TNS3: variants seen among roughly 807,000 people sequenced by gnomAD.
The protein encoded by TNS3 is tensin-3.
TNS3 carries 45 observed loss-of-function variants against 140.9 expected under a neutral mutation model. The observed-to-expected ratio is 0.32, with a 90% CI of 0.25 to 0.41. The LOEUF is 0.41. Among genes scored for constraint, TNS3 ranks in the 10% least tolerant of loss-of-function variants. The pLI is 1.00. For missense variants in TNS3, 1,716 were observed against 1,906.7 expected, an observed-to-expected ratio of 0.90 and a Z score of 1.86; for synonymous variants, 815 against 788.4, an observed-to-expected ratio of 1.03 and a Z score of -0.56.
chr7:47,461,543 T>G (rs1252519091), intron 4 of TNS3, among the ~76,000 whole-genome samples: 1 of 152,132 alleles, frequency 6.6e-6, no homozygotes, highest in Non-Finnish European at 1.5e-5. Flanking sequence ...ACCACCCCTG[T>G]CCAGGAACAT....
chr7:47,541,405 T>G (rs1031343182), intron 1 of TNS3, among the ~76,000 whole-genome samples: 1 of 152,128 alleles, frequency 6.6e-6, no homozygotes, highest in African/African-American at 2.4e-5. Context: ...GATCTGTCCT[T>G]GGAGGGTGCG....
At chr7:47,499,904 C>T (rs1798147752) in intron 3 of TNS3, among the ~76,000 whole-genome samples, 1 of 152,194 alleles carries the variant, frequency 6.6e-6, no homozygotes, top group African/African-American at 2.4e-5. Context: ...TCTGGTGCGG[C>T]GATGCTGACG....
Position 47,405,006 on chromosome 7 carries a change from C to T in TNS3, c.724-4092G>A, listed in dbSNP as rs144048691. 2.8e-3 allele frequency among the ~76,000 whole-genome samples: 423 copies of T among 152,310 alleles called. 1 individual carries two copies. Among genetic ancestry groups the T allele is most frequent in the African/African-American group, 9.6e-3 (398 of 41,560 alleles). ...CATTTGCTCCTGGAGTACACCAAGT[C>T]GAAGGCAGACACATGGAATTCTCAA... On this transcript the variant is annotated intron_variant, in intron 13 of 30. Coordinates refer to ENST00000311160, the MANE Select transcript of TNS3 (RefSeq NM_022748.12).
At chr7:47,438,396 C>T (rs889982159) in intron 6 of TNS3, among the ~76,000 whole-genome samples, 1 of 152,036 alleles carries the variant, frequency 6.6e-6, no homozygotes, top group Middle Eastern at 3.4e-3. Context: ...AGAGGAGACT[C>T]AGGATGCGCT....
intron 16 of TNS3, among the ~76,000 whole-genome samples, chr7:47,380,007 A>G (rs562784400): frequency 6.6e-6 from 1 of 152,370 alleles, no homozygotes; most frequent in African/African-American, 2.4e-5. Context: ...CCAGCCACAC[A>G]CTGCCTCTCT....
chr7:47,513,615 A>G (rs2151900584), intron 2 of TNS3, among the ~76,000 whole-genome samples: 1 of 152,368 alleles, frequency 6.6e-6, no homozygotes, highest in East Asian at 1.9e-4. Flanking sequence ...AAAACATAAT[A>G]AAAAGGAGAC....
intron 1 of TNS3, among the ~76,000 whole-genome samples, chr7:47,546,222 C>T (rs1799917617): frequency 6.6e-6 from 1 of 152,204 alleles, no homozygotes; most frequent in East Asian, 1.9e-4. Context: ...TTGCAACCGA[C>T]CTCAAAAGCT....
chr7:47,428,756 C>T (rs1462181311), intron 8 of TNS3, among the ~76,000 whole-genome samples: 1 of 152,240 alleles, frequency 6.6e-6, no homozygotes, highest in Non-Finnish European at 1.5e-5. Flanking sequence ...TGCCTGCTCA[C>T]GGGCTGACAA....
At chr7:47,396,943 A>T in intron 15 of TNS3, 39 bp from the exon 16 acceptor site, 1 of 1,495,196 alleles carries the variant, frequency 6.7e-7, no homozygotes, top group Non-Finnish European at 9.3e-7. Flanking sequence ...TCCCAGTGAA[A>T]CCCATCACCT....
At chr7:47,455,207 C>T (rs1451787447) in intron 4 of TNS3, among the ~76,000 whole-genome samples, 2 of 152,168 alleles carry the variant, frequency 1.3e-5, no homozygotes, top group African/African-American at 4.8e-5. Context: ...CAGCTGGTTC[C>T]ATACAATAGC....
intron 4 of TNS3, among the ~76,000 whole-genome samples, chr7:47,475,539 G>C (rs1011653086): frequency 1.6e-4 from 25 of 152,230 alleles, no homozygotes; most frequent in Non-Finnish European, 8.8e-5. Flanking sequence ...TCCCCGGGGG[G>C]GGGGCCAGGC....
At chr7:47,427,959 T>C (rs192255775) in intron 9 of TNS3, among the ~76,000 whole-genome samples, 13 of 152,344 alleles carry the variant, frequency 8.5e-5, no homozygotes, top group African/African-American at 2.6e-4. Context: ...GCTGATTTAG[T>C]GAGACCACTC....
intron 1 of TNS3, among the ~76,000 whole-genome samples, chr7:47,542,449 G>A (rs1038102924): frequency 6.6e-6 from 1 of 152,146 alleles, no homozygotes; most frequent in Non-Finnish European, 1.5e-5. Flanking sequence ...ATCCAGCCCT[G>A]ATTCCCGATT....
chr7:47,362,052 C>A (rs1407733576), intron 17 of TNS3, among the ~76,000 whole-genome samples: 1 of 152,134 alleles, frequency 6.6e-6, no homozygotes, highest in Admixed American at 6.5e-5. Flanking sequence ...AAAAAACCCA[C>A]CACGTGCAGG....
chr7:47,359,112 T>C (rs1348561881), intron 17 of TNS3, among the ~76,000 whole-genome samples: 2 of 152,082 alleles, frequency 1.3e-5, no homozygotes, highest in African/African-American at 2.4e-5. Flanking sequence ...AGCATCACCA[T>C]TCACCGAGGC....
chr7:47,307,007 CT>C (rs938633828), intron 20 of TNS3, among the ~76,000 whole-genome samples: 2 of 152,152 alleles, frequency 1.3e-5, no homozygotes, highest in African/African-American at 2.4e-5. Flanking sequence ...TTTCATGAAA[CT>C]TTAAAAACCA....
chr7:47,343,949 C>T (rs1159421223), intron 20 of TNS3, among the ~76,000 whole-genome samples: 1 of 152,204 alleles, frequency 6.6e-6, no homozygotes, highest in Non-Finnish European at 1.5e-5. Flanking sequence ...GATCACAACA[C>T]TCCTGGGTAA....
chr7:47,349,450 G>A lies in TNS3; in HGVS notation c.2282-3094C>T, dbSNP rs151162373. 2.6e-3 allele frequency among the ~76,000 whole-genome samples: 403 copies of A among 152,360 alleles called. 1 individual carries two copies. Among genetic ancestry groups the A allele is most frequent in the Non-Finnish European group, 4.3e-3 (295 of 68,038 alleles). On this transcript the variant is annotated intron_variant, in intron 17 of 30. Coordinates refer to ENST00000311160, the MANE Select transcript of TNS3 (RefSeq NM_022748.12). ...GTTTCCACAATGGAGGGAACTCAGC[G>A]ACGGAGAGCAGCTGTGGGTCTGAGG...
chr7:47,540,121 T>C (rs1799742393), intron 1 of TNS3, among the ~76,000 whole-genome samples: 1 of 152,236 alleles, frequency 6.6e-6, no homozygotes, highest in African/African-American at 2.4e-5. Flanking sequence ...CTCGCCAGGT[T>C]GTCTCACCCT....
Sources: allele counts gnomAD v4.1 joint callset (sites outside exome capture counted in the v4.1 genomes callset), GRCh38; gene constraint gnomAD v4.1.1; transcripts MANE v1.5; gene names NCBI Gene and HGNC (gene_info 2026-07-23, HGNC 2026-07-21).